The following KCNQ3 variants were observed in gnomAD, a reference collection of about 807,000 sequenced individuals.
KCNQ3 encodes the protein potassium voltage-gated channel subfamily Q member 3.
Under a neutral mutation model 92.5 loss-of-function variants are expected in KCNQ3, and 30 were observed. That is an observed-to-expected ratio of 0.32 (90% CI 0.24 to 0.44). KCNQ3 has a LOEUF of 0.44. Ranked by LOEUF, KCNQ3 falls within the 20% of genes least tolerant of loss-of-function variation. The probability of loss-of-function intolerance (pLI) is 1.00; values close to 1 mark genes in which losing one functional copy is unlikely to be tolerated. For missense variants in KCNQ3, 913 were observed against 1,140.3 expected (o/e 0.80, Z 2.87); for synonymous variants, 450 against 468.8 (o/e 0.96, Z 0.52).
At chr8:132,204,400 G>A (rs1041455727) in intron 1 of KCNQ3, among the ~76,000 whole-genome samples, 2 of 152,164 alleles carry the variant, frequency 1.3e-5, no homozygotes, top group Non-Finnish European at 2.9e-5. Flanking sequence ...AGCAAATGGT[G>A]TCCATTTTTC....
At chr8:132,331,004 A>G (rs916480494) in intron 1 of KCNQ3, among the ~76,000 whole-genome samples, 3 of 152,162 alleles carry the variant, frequency 2.0e-5, no homozygotes, top group Non-Finnish European at 2.9e-5. Context: ...ACGAACCTGA[A>G]TGTTCCCATT....
At position 132,481,035 on chromosome 8, in the gene KCNQ3, G is replaced by GCGCCCC. The variant is rs1296648536; in HGVS notation, c.-504_-503insGGGGCG. 7.0e-6 allele frequency: 1 copy of GCGCCCC among 141,866 alleles called. No individual in the cohort carries two copies. Among genetic ancestry groups the GCGCCCC allele is most frequent in the East Asian group, 2.4e-4 (1 of 4,132 alleles). The allele number at this position is 141,866 out of a possible 1,614,324, so 8.8% of individuals were successfully genotyped here. A position where few individuals can be genotyped will look rare whatever the true frequency, so the allele number is the denominator to read the frequency against. On this transcript the variant is annotated 5_prime_UTR_variant, in exon 1 of 15. Coordinates refer to ENST00000388996, the MANE Select transcript of KCNQ3 (RefSeq NM_004519.4). Reference sequence around the variant, plus strand: ...CTCCCACCCGCGCCCCTCCCCGCCCGTTCCAGCCTCAGCCTGTCAGCAGCA... The same window carrying GCGCCCC: ...CTCCCACCCGCGCCCCTCCCCGCCCGCGCCCCTTCCAGCCTCAGCCTGTCAGCAGCA...
At chr8:132,398,771 A>G (rs1429393590) in intron 1 of KCNQ3, among the ~76,000 whole-genome samples, 1 of 152,204 alleles carries the variant, frequency 6.6e-6, no homozygotes, top group Non-Finnish European at 1.5e-5. Flanking sequence ...GCCTGAAGCA[A>G]AGGGAGAGAA....
At position 132,175,564 on chromosome 8, in the gene KCNQ3, A is replaced by G; in HGVS notation, c.822T>C (p.Leu274=). ...AWYIGFLTLI[L]SSFLVYLVEK... Reference sequence around the variant, plus strand: ...CAACCAGGTAGACAAGAAATGAAGAAAGGATGAGTGTCAGGAAACCGATGT... The same window carrying G: ...CAACCAGGTAGACAAGAAATGAAGAGAGGATGAGTGTCAGGAAACCGATGT... The change falls in exon 5 of 15, where the codon CTT becomes CTC. Residue 274 remains leucine, a synonymous_variant. Coordinates refer to ENST00000388996, the MANE Select transcript of KCNQ3 (RefSeq NM_004519.4). The G allele has an allele frequency of 6.2e-7, 1 of 1,614,150 alleles. No homozygotes were observed. The highest frequency in any genetic ancestry group is 8.5e-7 in the Non-Finnish European group (1 of 1,180,002).
At chr8:132,170,192 G>C in intron 8 of KCNQ3, 142 bp downstream of exon 8, 2 of 709,330 alleles carry the variant, frequency 2.8e-6, no homozygotes, top group Non-Finnish European at 5.1e-6. Context: ...TAAGCTACCA[G>C]ATAATTCTAG....
intron 1 of KCNQ3, among the ~76,000 whole-genome samples, chr8:132,345,745 C>T (rs958390577): frequency 6.6e-6 from 1 of 152,050 alleles, no homozygotes; most frequent in Non-Finnish European, 1.5e-5. Flanking sequence ...GAGCTGTGCA[C>T]ATAATAAGAG....
chr8:132,313,926 T>A (rs903960516), intron 1 of KCNQ3, among the ~76,000 whole-genome samples: 7 of 152,206 alleles, frequency 4.6e-5, no homozygotes, highest in Non-Finnish European at 1.0e-4. Flanking sequence ...AGTAACCTTA[T>A]GAGATAGGTG....
At chr8:132,132,319 G>C in intron 13 of KCNQ3, 55 bp from the exon 14 acceptor site, 1 of 1,442,498 alleles carries the variant, frequency 6.9e-7, no homozygotes, top group Admixed American at 1.7e-5. Context: ...TGCTATGCAA[G>C]GTAATTTCGG....
At chr8:132,303,144 T>C (rs866339473) in intron 1 of KCNQ3, among the ~76,000 whole-genome samples, 5 of 152,124 alleles carry the variant, frequency 3.3e-5, no homozygotes, top group Non-Finnish European at 7.4e-5. Flanking sequence ...TGCTGATCTA[T>C]AGAATTTAAA....
At chr8:132,385,421 AC>A (rs763120388) in intron 1 of KCNQ3, among the ~76,000 whole-genome samples, 5 of 152,228 alleles carry the variant, frequency 3.3e-5, no homozygotes, top group Non-Finnish European at 7.3e-5. Flanking sequence ...CTCAGAGTTC[AC>A]ATGATGGAAA....
At chr8:132,451,574 G>C (rs1821822501) in intron 1 of KCNQ3, among the ~76,000 whole-genome samples, 1 of 152,214 alleles carries the variant, frequency 6.6e-6, no homozygotes, top group Non-Finnish European at 1.5e-5. Context: ...AATTGGCTAA[G>C]GATGCAGATG....
At chr8:132,167,947 C>T (rs1826188898) in intron 8 of KCNQ3, among the ~76,000 whole-genome samples, 1 of 152,240 alleles carries the variant, frequency 6.6e-6, no homozygotes, top group Admixed American at 6.5e-5. Context: ...GAAGACTCTG[C>T]TTTATGCTAT....
At chr8:132,178,592 T>C (rs1162812753) in intron 4 of KCNQ3, among the ~76,000 whole-genome samples, 1 of 152,136 alleles carries the variant, frequency 6.6e-6, no homozygotes, top group African/African-American at 2.4e-5. Flanking sequence ...CTTTAAGGCC[T>C]TCTGGCTGGA....
intron 1 of KCNQ3, among the ~76,000 whole-genome samples, chr8:132,322,075 G>T (rs1817911180): frequency 6.6e-6 from 1 of 152,194 alleles, no homozygotes; most frequent in Admixed American, 6.5e-5. Flanking sequence ...AGTGAAAGAA[G>T]AGGGGCGGAG....
At chr8:132,184,894 C>T (rs1325831784) in intron 2 of KCNQ3, among the ~76,000 whole-genome samples, 1 of 152,176 alleles carries the variant, frequency 6.6e-6, no homozygotes, top group Admixed American at 6.5e-5. Context: ...AGTAGTTAAA[C>T]AAGTTTTTCA....
At chr8:132,393,557 A>G (rs1407194816) in intron 1 of KCNQ3, among the ~76,000 whole-genome samples, 1 of 152,208 alleles carries the variant, frequency 6.6e-6, no homozygotes, top group Non-Finnish European at 1.5e-5. Context: ...CCTGATCTAG[A>G]ATAATGCCTG....
At chr8:132,196,218 C>T (rs778951088) in intron 1 of KCNQ3, among the ~76,000 whole-genome samples, 3 of 152,324 alleles carry the variant, frequency 2.0e-5, no homozygotes, top group African/African-American at 4.8e-5. Context: ...GCTCAAATGT[C>T]ACCTCCTCTA....
intron 1 of KCNQ3, among the ~76,000 whole-genome samples, chr8:132,266,549 G>A (rs188738711): frequency 2.0e-5 from 3 of 152,256 alleles, no homozygotes; most frequent in African/African-American, 7.2e-5. Context: ...GTGGCCAAAG[G>A]GATGAGAGGG....
At chr8:132,319,137 A>G (rs994806907) in intron 1 of KCNQ3, among the ~76,000 whole-genome samples, 6 of 152,206 alleles carry the variant, frequency 3.9e-5, no homozygotes, top group African/African-American at 1.2e-4. Context: ...AGGGCATGTT[A>G]AGGGAGTGAT....
Sources: allele counts gnomAD v4.1 joint callset (sites outside exome capture counted in the v4.1 genomes callset), GRCh38; gene constraint gnomAD v4.1.1; transcripts MANE v1.5; gene names NCBI Gene and HGNC (gene_info 2026-07-23, HGNC 2026-07-21).